The following GUCY1A2 variants were observed in gnomAD, a reference collection of about 807,000 sequenced individuals.
GUCY1A2 encodes guanylate cyclase soluble subunit alpha-2.
In GUCY1A2, 27 loss-of-function variants were observed where a neutral mutation model predicts 63.5. That is an observed-to-expected ratio of 0.43 (90% CI 0.31 to 0.59). The LOEUF (loss-of-function observed/expected upper bound fraction) is 0.59, where lower values mean the gene tolerates loss of function less well. Among genes scored for constraint, GUCY1A2 ranks in the 20% least tolerant of loss-of-function variants. The pLI, the probability that GUCY1A2 is intolerant of heterozygous loss-of-function variation, is 0.11. For missense variants in GUCY1A2, 768 were observed against 913.3 expected (o/e 0.84, Z 2.05); for synonymous variants, 364 against 343.5 (o/e 1.06, Z -0.66).
At chr11:106,908,216 T>A (rs1860239991) in intron 4 of GUCY1A2, among the ~76,000 whole-genome samples, 1 of 152,058 alleles carries the variant, frequency 6.6e-6, no homozygotes, top group Non-Finnish European at 1.5e-5. Context: ...TTTTACTGCT[T>A]ATCATTAGAC....
rs759001115 is a variant in GUCY1A2 at position 106,746,562 on chromosome 11, C to A, written c.1836+29877G>T. The stretch of plus-strand genomic sequence containing the variant: ...GTGAAGCTCATTACCTTTTCAGTAC[C>A]CAAATCCGTTTCACTTTGATGCTGA... On this transcript the variant is annotated intron_variant, in intron 6 of 7. Transcript: ENST00000526355. 8.2e-6 allele frequency: 13 copies of A among 1,585,008 alleles called. No individual in the cohort carries two copies. The East Asian group carries it at 2.5e-4, about 30-fold the overall frequency.
rs529279953 is a variant in GUCY1A2 at position 106,749,285 on chromosome 11, C to T, written c.1836+27154G>A. On this transcript the variant is annotated intron_variant, in intron 6 of 7. Transcript: ENST00000526355. ...CTCAGATCATATCCCTGTCATTAAGCGACACATAAATAACTGTAATGTATG... is the reference window on the plus strand; with the variant it reads ...CTCAGATCATATCCCTGTCATTAAGTGACACATAAATAACTGTAATGTATG... Among the ~76,000 whole-genome samples, 18 of 152,084 alleles carry T rather than the reference C, an allele frequency of 1.2e-4. 1 individual carries two copies. The East Asian group carries it at 1.7e-3, about 15-fold the overall frequency.
At chr11:106,837,043 C>T (rs1574818) in intron 4 of GUCY1A2, among the ~76,000 whole-genome samples, 138,123 of 151,886 alleles carry the variant, frequency 0.91, 62,894 homozygotes, top group East Asian at 1. Context: ...GTTTGTTATA[C>T]AGGTAAACTT....
intron 6 of GUCY1A2, among the ~76,000 whole-genome samples, chr11:106,722,365 T>G (rs1390389605): frequency 1.3e-5 from 2 of 151,978 alleles, no homozygotes; most frequent in East Asian, 1.9e-4. Flanking sequence ...CCTCCCAAAT[T>G]TAGCTATTTT....
intron 4 of GUCY1A2, among the ~76,000 whole-genome samples, chr11:106,885,054 C>T (rs749964832): frequency 6.6e-6 from 1 of 152,092 alleles, no homozygotes; most frequent in Non-Finnish European, 1.5e-5. Flanking sequence ...AATCTGAATG[C>T]CCCCTGGAGT....
chr11:106,874,353 G>T (rs1244878538), intron 4 of GUCY1A2, among the ~76,000 whole-genome samples: 1 of 152,060 alleles, frequency 6.6e-6, no homozygotes, highest in Non-Finnish European at 1.5e-5. Flanking sequence ...TATAAGTATT[G>T]AGGAACAAAA....
intron 1 of GUCY1A2, among the ~76,000 whole-genome samples, chr11:107,000,198 T>C (rs979982640): frequency 8.5e-5 from 13 of 152,332 alleles, no homozygotes; most frequent in Admixed American, 3.9e-4. Context: ...GTGTTTACAA[T>C]GGCAATAAGT....
Position 106,753,603 on chromosome 11 carries a change from A to T in GUCY1A2, c.1836+22836T>A, listed in dbSNP as rs142543445. On this transcript the variant is annotated intron_variant, in intron 6 of 7. Coordinates refer to ENST00000526355, the MANE Select transcript of GUCY1A2 (RefSeq NM_000855.3). ...CACATGGCTAGTCAGTTTTCCCAAC[A>T]CTGTTTATTAAATAGGGAATCCTTT... Among the ~76,000 whole-genome samples the T allele has an allele frequency of 6.1e-3, 927 of 152,280 alleles. 6 individuals are homozygous for T. Among genetic ancestry groups the T allele is most frequent in the African/African-American group, 0.021 (873 of 41,546 alleles).
chr11:107,003,755 T>C (rs1203986292), intron 1 of GUCY1A2, among the ~76,000 whole-genome samples: 1 of 152,220 alleles, frequency 6.6e-6, no homozygotes, highest in African/African-American at 2.4e-5. Flanking sequence ...CTTTTGTTAA[T>C]GCCATGACAA....
At chr11:106,831,207 T>A (rs946906237) in intron 4 of GUCY1A2, among the ~76,000 whole-genome samples, 2 of 152,164 alleles carry the variant, frequency 1.3e-5, no homozygotes, top group Non-Finnish European at 2.9e-5. Context: ...GCCACATAAA[T>A]CATAATATCA....
chr11:106,717,405 A>G (rs566046707), intron 6 of GUCY1A2, among the ~76,000 whole-genome samples: 2 of 152,326 alleles, frequency 1.3e-5, no homozygotes, highest in South Asian at 4.1e-4. Context: ...GTCAAGGACA[A>G]TGACACACAC....
chr11:106,916,938 A>T (rs1412124500), intron 4 of GUCY1A2, among the ~76,000 whole-genome samples: 1 of 146,070 alleles, frequency 6.8e-6, no homozygotes, highest in Non-Finnish European at 1.5e-5. Context: ...ATTAATTTTT[A>T]AAACATTTAA....
intron 3 of GUCY1A2, among the ~76,000 whole-genome samples, chr11:106,970,075 A>G (rs946558001): frequency 3.3e-5 from 5 of 152,186 alleles, no homozygotes; most frequent in African/African-American, 1.2e-4. Context: ...AAGGAGCTTT[A>G]GTTAAGTGAG....
chr11:106,891,989 G>C (rs1316648475), intron 4 of GUCY1A2, among the ~76,000 whole-genome samples: 1 of 152,014 alleles, frequency 6.6e-6, no homozygotes, highest in Non-Finnish European at 1.5e-5. Flanking sequence ...TAGAGAAATA[G>C]CATCTCAATG....
At chr11:106,927,265 C>T (rs190585005) in intron 4 of GUCY1A2, among the ~76,000 whole-genome samples, 3 of 151,060 alleles carry the variant, frequency 2.0e-5, no homozygotes, top group Non-Finnish European at 2.9e-5. Context: ...CCCAGCTACT[C>T]GGGAGGTTGA....
chr11:106,877,435 A>C (rs571564237), intron 4 of GUCY1A2, among the ~76,000 whole-genome samples: 1 of 152,262 alleles, frequency 6.6e-6, no homozygotes, highest in Admixed American at 6.6e-5. Context: ...TGGTGCTGGT[A>C]CAAAAACAGA....
intron 6 of GUCY1A2, among the ~76,000 whole-genome samples, chr11:106,755,524 C>A (rs1228087110): frequency 6.6e-6 from 1 of 152,138 alleles, no homozygotes; most frequent in Non-Finnish European, 1.5e-5. Context: ...TTAAATGTGT[C>A]CCAGTGATTC....
At chr11:106,722,792 G>C (rs979507739) in intron 6 of GUCY1A2, among the ~76,000 whole-genome samples, 10 of 134,468 alleles carry the variant, frequency 7.4e-5, no homozygotes, top group African/African-American at 2.4e-4. Context: ...TTCTGTGTGT[G>C]TGTGTGTGTG....
At chr11:106,814,294 T>C (rs904769138) in intron 4 of GUCY1A2, among the ~76,000 whole-genome samples, 2 of 152,106 alleles carry the variant, frequency 1.3e-5, no homozygotes, top group African/African-American at 2.4e-5. Context: ...ATGTAATTTA[T>C]GAAAGCACAA....
Sources: gnomAD v4.1 joint callset for allele counts (sites outside exome capture counted in the v4.1 genomes callset) on GRCh38, gnomAD v4.1.1 for gene constraint, MANE v1.5 for transcripts, NCBI Gene and HGNC (gene_info 2026-07-23, HGNC 2026-07-21) for gene names.